Variants in TBC1D32 observed in about 807,000 individuals in gnomAD.
The protein encoded by TBC1D32 is protein broad-minded.
A neutral mutation model predicts 170.3 loss-of-function variants in TBC1D32; 151 were observed. The observed-to-expected ratio is 0.89, with a 90% CI of 0.78 to 1.01. TBC1D32 has a LOEUF of 1.01. TBC1D32 is among the 50% of genes least tolerant of loss of function. The pLI is 0.00. For synonymous variants in TBC1D32, 498 were observed against 488.0 expected (o/e 1.02, Z -0.27); for missense variants, 1,464 against 1,457.1 (o/e 1.00, Z -0.08).
intron 22 of TBC1D32, among the ~76,000 whole-genome samples, chr6:121,177,993 T>C (rs1787998247): frequency 1.3e-5 from 2 of 152,114 alleles, no homozygotes; most frequent in Non-Finnish European, 2.9e-5. Context: ...AATGGACTCA[T>C]AGTTCCACAT....
intron 30 of TBC1D32, among the ~76,000 whole-genome samples, chr6:121,094,176 A>AT (rs11428033): frequency 0.089 from 13,180 of 147,810 alleles, 1,047 homozygotes; most frequent in African/African-American, 0.21. Context: ...TAACTTCTGT[A>AT]TTTTTTTTTT....
intron 21 of TBC1D32, among the ~76,000 whole-genome samples, chr6:121,205,409 G>A (rs1792121899): frequency 6.6e-6 from 1 of 152,172 alleles, no homozygotes; most frequent in Admixed American, 6.5e-5. Flanking sequence ...GACTGTAAAA[G>A]TTTCCGAAGT....
At chr6:121,127,129 A>G (rs189651160) in intron 25 of TBC1D32, among the ~76,000 whole-genome samples, 1 of 152,294 alleles carries the variant, frequency 6.6e-6, no homozygotes, top group East Asian at 1.9e-4. Flanking sequence ...TTGTAGAGTC[A>G]ATGTTATGCT....
chr6:121,280,885 T>C (rs909122393), intron 14 of TBC1D32, among the ~76,000 whole-genome samples: 1 of 151,774 alleles, frequency 6.6e-6, no homozygotes, highest in Admixed American at 6.6e-5. Flanking sequence ...TTTTAACCTA[T>C]TGATAAGCCT....
chr6:121,099,707 TC>T (rs1308903942), intron 30 of TBC1D32, among the ~76,000 whole-genome samples: 1 of 151,876 alleles, frequency 6.6e-6, no homozygotes, highest in African/African-American at 2.4e-5. Flanking sequence ...GTAAATAATA[TC>T]AACAGAGCAA....
chr6:121,334,165 C>A, intron 1 of TBC1D32, 111 bp downstream of exon 1: 1 of 835,700 alleles, frequency 1.2e-6, no homozygotes, highest in Non-Finnish European at 1.8e-6. Flanking sequence ...AAGTAAACCT[C>A]CAAGTTGGGC....
chr6:121,267,445 A>G (rs902649308), intron 15 of TBC1D32, among the ~76,000 whole-genome samples: 3 of 152,190 alleles, frequency 2.0e-5, no homozygotes, highest in Non-Finnish European at 4.4e-5. Context: ...CAACGGTCTT[A>G]GCAACAGCAC....
chr6:121,274,670 T>C (rs1397591582), intron 15 of TBC1D32, among the ~76,000 whole-genome samples: 2 of 152,014 alleles, frequency 1.3e-5, no homozygotes, highest in Non-Finnish European at 2.9e-5. Context: ...TCATAACATT[T>C]TGGATAATTA....
intron 15 of TBC1D32, among the ~76,000 whole-genome samples, chr6:121,273,231 A>C (rs551813710): frequency 4.8e-4 from 73 of 151,956 alleles, no homozygotes; most frequent in African/African-American, 1.4e-3. Context: ...CACGTTCTGC[A>C]CATGTACCCT....
intron 15 of TBC1D32, among the ~76,000 whole-genome samples, chr6:121,273,001 T>A (rs938552283): frequency 6.6e-6 from 1 of 151,660 alleles, no homozygotes; most frequent in Non-Finnish European, 1.5e-5. Flanking sequence ...GAGCAAACTA[T>A]CACAAGGAGA....
intron 12 of TBC1D32, 35 bp downstream of exon 12, chr6:121,292,018 A>G (rs1275890424): frequency 6.5e-7 from 1 of 1,530,974 alleles, no homozygotes; most frequent in African/African-American, 1.4e-5. Context: ...ATCTTAGCAT[A>G]TCTTAACAAA....
chr6:121,290,454 C>T (rs1409486795), intron 12 of TBC1D32, among the ~76,000 whole-genome samples: 9 of 151,858 alleles, frequency 5.9e-5, no homozygotes, highest in East Asian at 3.9e-4. Context: ...AATGAGATAC[C>T]ATCTCACACC....
At chr6:121,313,105 GGTGTGTGTGTGTGTGTGTGTGT>G (rs71018125) in intron 3 of TBC1D32, among the ~76,000 whole-genome samples, 6,605 of 111,254 alleles carry the variant, frequency 0.059, 423 homozygotes, top group Admixed American at 0.2. Flanking sequence ...AAGCTAAGGT[GGTGTGTGTGTGTGTGTGTGTGT>G]GTGTGTGTGT....
chr6:121,213,099 T>C lies in TBC1D32; in HGVS notation c.2482-7936A>G, dbSNP rs114086306. Among the ~76,000 whole-genome samples, 232 of 152,178 alleles carry C rather than the reference T, an allele frequency of 1.5e-3. 1 individual carries two copies. Among genetic ancestry groups the C allele is most frequent in the African/African-American group, 5.4e-3 (225 of 41,540 alleles). The stretch of plus-strand genomic sequence containing the variant: ...CAAACCCACAGCCAACATCATACCA[T>C]TCAGGCAAAAGCAGGAAACATTTTC... On this transcript the variant is annotated intron_variant, in intron 21 of 31. Transcript: ENST00000398212.
intron 26 of TBC1D32, among the ~76,000 whole-genome samples, chr6:121,119,557 C>T (rs1780045382): frequency 6.6e-6 from 1 of 152,004 alleles, no homozygotes; most frequent in Non-Finnish European, 1.5e-5. Context: ...AAATACACAT[C>T]ACCCTGAAAG....
chr6:121,325,515 C>A (rs896009977), intron 1 of TBC1D32, among the ~76,000 whole-genome samples: 1 of 152,112 alleles, frequency 6.6e-6, no homozygotes, highest in African/African-American at 2.4e-5. Context: ...CAAAAACAAG[C>A]AATGGGGAAA....
intron 1 of TBC1D32, among the ~76,000 whole-genome samples, chr6:121,323,666 G>T (rs1377124716): frequency 4.6e-5 from 7 of 152,190 alleles, no homozygotes; most frequent in African/African-American, 1.4e-4. Flanking sequence ...AACTGGCCGG[G>T]TGCAGTGACT....
intron 30 of TBC1D32, among the ~76,000 whole-genome samples, chr6:121,093,338 T>C (rs1345012754): frequency 3.3e-5 from 5 of 152,150 alleles, no homozygotes; most frequent in Admixed American, 3.3e-4. Context: ...AAGCAGTCAG[T>C]AGTACTTTGA....
intron 5 of TBC1D32, among the ~76,000 whole-genome samples, chr6:121,307,634 C>T (rs961076095): frequency 2.0e-5 from 3 of 151,962 alleles, no homozygotes; most frequent in African/African-American, 7.3e-5. Context: ...CCAAGGTGGG[C>T]GGATCACCTG....
Sources: allele counts gnomAD v4.1 joint callset (sites outside exome capture counted in the v4.1 genomes callset), GRCh38; gene constraint gnomAD v4.1.1; transcripts MANE v1.5; gene names NCBI Gene and HGNC (gene_info 2026-07-23, HGNC 2026-07-21).